Variants in TMC1 observed in about 807,000 individuals in gnomAD.
The protein encoded by TMC1 is transmembrane channel like 1.
In TMC1, 84 loss-of-function variants were observed where a neutral mutation model predicts 105.8. The observed-to-expected ratio is 0.79, with a 90% CI of 0.67 to 0.95. The LOEUF (loss-of-function observed/expected upper bound fraction) is 0.95. Among genes scored for constraint, TMC1 ranks in the 40% least tolerant of loss-of-function variants. The pLI, the probability that TMC1 is intolerant of heterozygous loss-of-function variation, is 0.00. For synonymous variants in TMC1, 315 were observed against 311.5 expected (o/e 1.01, Z -0.12); for missense variants, 817 against 914.1 (o/e 0.89, Z 1.37).
At chr9:72,625,516 G>A (rs1413257088) in intron 3 of TMC1, among the ~76,000 whole-genome samples, 13 of 151,848 alleles carry the variant, frequency 8.6e-5, no homozygotes, top group African/African-American at 2.9e-4. Flanking sequence ...GTGAAACCCC[G>A]TCTCTACTAA....
intron 8 of TMC1, among the ~76,000 whole-genome samples, chr9:72,723,162 G>C (rs1286498377): frequency 6.6e-6 from 1 of 152,012 alleles, no homozygotes; most frequent in Non-Finnish European, 1.5e-5. Context: ...TCTTATCCCA[G>C]TTTTTTAAAC....
At chr9:72,696,279 T>A (rs912870703) in intron 7 of TMC1, among the ~76,000 whole-genome samples, 5 of 152,168 alleles carry the variant, frequency 3.3e-5, no homozygotes, top group African/African-American at 1.2e-4. Context: ...CTGGCCTCAC[T>A]TTCATTTTGA....
At chr9:72,804,933 T>G (rs1292244963) in intron 17 of TMC1, among the ~76,000 whole-genome samples, 4 of 152,268 alleles carry the variant, frequency 2.6e-5, no homozygotes, top group African/African-American at 4.8e-5. Flanking sequence ...CTTTTGCTGG[T>G]TTCTTTCTTT....
At chr9:72,686,751 A>G (rs2132182335) in intron 5 of TMC1, among the ~76,000 whole-genome samples, 2 of 152,326 alleles carry the variant, frequency 1.3e-5, no homozygotes, top group South Asian at 4.2e-4. Context: ...ATGACCATGC[A>G]CAGACCAGAA....
chr9:72,833,335 A>G (rs1290916858), intron 23 of TMC1, among the ~76,000 whole-genome samples: 1 of 152,158 alleles, frequency 6.6e-6, no homozygotes, highest in Non-Finnish European at 1.5e-5. Flanking sequence ...TTAATTTCCA[A>G]ATCTCTGCTA....
chr9:72,675,040 C>G (rs1826181206), intron 5 of TMC1, among the ~76,000 whole-genome samples: 1 of 152,146 alleles, frequency 6.6e-6, no homozygotes, highest in Non-Finnish European at 1.5e-5. Flanking sequence ...GAAAATAAAT[C>G]CAGGACTCAG....
chr9:72,819,845 T>G (rs1205446697), intron 19 of TMC1, among the ~76,000 whole-genome samples: 1 of 152,192 alleles, frequency 6.6e-6, no homozygotes, highest in Non-Finnish European at 1.5e-5. Context: ...CTTACATTTT[T>G]AAAATAAGTG....
intron 18 of TMC1, among the ~76,000 whole-genome samples, chr9:72,805,864 A>C (rs1248813258): frequency 1.3e-5 from 2 of 152,210 alleles, no homozygotes; most frequent in Non-Finnish European, 2.9e-5. Flanking sequence ...GTTGGGGGCA[A>C]GGTCACAGAT....
Position 72,788,322 on chromosome 9 carries a change from A to G in TMC1, c.885-17A>G, listed in dbSNP as rs747324161. ...TCATTTTTTCTGGCTGCTGGGTTAA[A>G]CTTCCTGTTTTTGCAGAATGACCAA... On this transcript the variant is annotated splice_polypyrimidine_tract_variant and intron_variant, in intron 13 of 23. Coordinates refer to ENST00000297784, the MANE Select transcript of TMC1 (RefSeq NM_138691.3). The G allele has an allele frequency of 1.3e-5, 21 of 1,613,912 alleles. No homozygotes were observed. Among genetic ancestry groups the G allele is most frequent in the Non-Finnish European group, 1.8e-5 (21 of 1,179,860 alleles).
chr9:72,686,687 G>T (rs1393126664), intron 5 of TMC1, among the ~76,000 whole-genome samples: 1 of 152,104 alleles, frequency 6.6e-6, no homozygotes. Flanking sequence ...ACTGTTCCAC[G>T]ATCAGACAAA....
At chr9:72,589,960 C>A (rs1057241710) in intron 2 of TMC1, among the ~76,000 whole-genome samples, 2 of 152,082 alleles carry the variant, frequency 1.3e-5, no homozygotes, top group African/African-American at 4.8e-5. Flanking sequence ...CAATGTTGCC[C>A]CTGTGTTTGG....
chr9:72,660,908 T>C (rs1825960684), intron 5 of TMC1, among the ~76,000 whole-genome samples: 1 of 152,126 alleles, frequency 6.6e-6, no homozygotes, highest in African/African-American at 2.4e-5. Flanking sequence ...CGAGAACGTA[T>C]GGGAGGCTGA....
At chr9:72,763,085 CTTTTTTTTT>C (rs148498655) in intron 12 of TMC1, among the ~76,000 whole-genome samples, 1 of 109,498 alleles carries the variant, frequency 9.1e-6, no homozygotes, top group African/African-American at 3.5e-5. Context: ...CTAGCGATGC[CTTTTTTTTT>C]TTTTTTTTTT....
chr9:72,524,766 A>G (rs1222348033), intron 1 of TMC1, among the ~76,000 whole-genome samples: 1 of 152,210 alleles, frequency 6.6e-6, no homozygotes, highest in East Asian at 1.9e-4. Context: ...AACAGTAAAG[A>G]AGTGAGAAGA....
intron 8 of TMC1, among the ~76,000 whole-genome samples, chr9:72,738,028 A>G (rs1451138952): frequency 6.6e-6 from 1 of 152,186 alleles, no homozygotes; most frequent in Non-Finnish European, 1.5e-5. Context: ...GGAAAATAAA[A>G]TTATTAGATA....
At chr9:72,686,142 C>T (rs963019156) in intron 5 of TMC1, among the ~76,000 whole-genome samples, 23 of 152,328 alleles carry the variant, frequency 1.5e-4, no homozygotes, top group South Asian at 6.2e-4. Flanking sequence ...ACTACACATA[C>T]TTCAATGCAG....
intron 17 of TMC1, among the ~76,000 whole-genome samples, chr9:72,793,296 C>T (rs941287574): frequency 1.3e-5 from 2 of 152,148 alleles, no homozygotes; most frequent in African/African-American, 4.8e-5. Context: ...CTTCACAGCA[C>T]CTCACAGAAT....
chr9:72,781,555 T>A (rs982388443), intron 13 of TMC1, among the ~76,000 whole-genome samples: 22 of 152,082 alleles, frequency 1.4e-4, no homozygotes, highest in East Asian at 9.7e-4. Flanking sequence ...ATAAATAAGA[T>A]TGATAGACCA....
rs200803296 is a variant in TMC1 at position 72,831,429 on chromosome 9, C to CTA, written c.2260+761_2260+762dup. 5.3e-4 allele frequency among the ~76,000 whole-genome samples: 80 copies of CTA among 150,700 alleles called. 1 individual carries two copies. In the East Asian group the frequency reaches 0.011, roughly 21 times the overall value. On this transcript the variant is annotated intron_variant, in intron 23 of 23. Coordinates refer to ENST00000297784, the MANE Select transcript of TMC1 (RefSeq NM_138691.3). The stretch of plus-strand genomic sequence containing the variant: ...ATGGCTTCAGGCCACTTTCTTTTTT[C>CTA]TATATATATATATATTTTTTAATTA...
Sources: gnomAD v4.1 joint callset for allele counts (sites outside exome capture counted in the v4.1 genomes callset) on GRCh38, gnomAD v4.1.1 for gene constraint, MANE v1.5 for transcripts, NCBI Gene and HGNC (gene_info 2026-07-23, HGNC 2026-07-21) for gene names.